Variants in ISL1 observed in about 807,000 individuals in gnomAD.
The protein encoded by ISL1 is ISL LIM homeobox 1, also known as insulin gene enhancer protein ISL-1.
Under a neutral mutation model 35.3 loss-of-function variants are expected in ISL1, and 4 were observed. The observed-to-expected ratio is 0.11, with a 90% CI of 0.06 to 0.26. ISL1 has a LOEUF of 0.26. Among genes scored for constraint, ISL1 ranks in the 10% least tolerant of loss-of-function variants. ISL1 has a pLI of 1.00. For synonymous variants in ISL1, 186 were observed against 172.3 expected, an observed-to-expected ratio of 1.08 and a Z score of -0.62; for missense variants, 340 against 472.8, an observed-to-expected ratio of 0.72 and a Z score of 2.60.
At chr5:51,390,066 A>C (rs1580729492) in intron 4 of ISL1, 134 bp downstream of exon 4, 1 of 1,062,512 alleles carries the variant, frequency 9.4e-7, no homozygotes, top group Non-Finnish European at 1.4e-6. Flanking sequence ...GCTGCCCCTC[A>C]TCCTTACCCC....
In ISL1 at chr5:51,391,358, G is replaced by A; in HGVS notation, c.850G>A (p.Val284Ile). ...DGGLQANPVE[V>I]QSYQPPWKVL... ...TGGCTTACAGGCTAACCCAGTGGAA[G>A]TACAAAGTTACCAGCCACCTTGGAA... The change falls in exon 5 of 6, where the codon GTA (valine) becomes ATA (isoleucine). Residue 284 changes from valine to isoleucine, a missense_variant. Val to Ile is a conservative substitution (Grantham distance 29). Around this residue, in one of 7 missense-constraint regions of ISL1, gnomAD observed 104 missense variants for 97.3 expected, o/e 1.07. Coordinates refer to ENST00000230658, the MANE Select transcript of ISL1 (RefSeq NM_002202.3). 2 of 1,614,168 alleles carry A rather than the reference G, an allele frequency of 1.2e-6. No individual in the cohort carries two copies. The highest frequency in any genetic ancestry group is 1.7e-6 in the Non-Finnish European group (2 of 1,180,046).
In ISL1 at chr5:51,383,568, G is replaced by A. The variant is rs1294330161; in HGVS notation, c.-104G>A. The A allele has an allele frequency of 8.1e-6, 8 of 993,692 alleles. No homozygotes were observed. The highest frequency in any genetic ancestry group is 1.7e-5 in the Admixed American group (1 of 59,014). 61.6% of individuals were successfully genotyped at this position (993,692 alleles called of 1,614,324 possible). A position where few individuals can be genotyped will look rare whatever the true frequency, so the allele number is the denominator to read the frequency against. On this transcript the variant is annotated 5_prime_UTR_variant, in exon 1 of 6. Coordinates refer to ENST00000230658, the MANE Select transcript of ISL1 (RefSeq NM_002202.3). The stretch of plus-strand genomic sequence containing the variant: ...CTCTTTCAGCATTGGCAACCCCAGG[G>A]GCCAATATTTCCCACTTAGCCACAG...
At position 51,386,499 on chromosome 5, in the gene ISL1, T is replaced by C. The variant is rs1747346113; in HGVS notation, c.219-991T>C. On this transcript the variant is annotated intron_variant, in intron 2 of 5. Coordinates refer to ENST00000230658, the MANE Select transcript of ISL1 (RefSeq NM_002202.3). ...AGAAGCAGGATGCCTCCTCCTGTTATGTGGATCTTTTCCTCTCTCTTCCAT... is the reference window on the plus strand; with the variant it reads ...AGAAGCAGGATGCCTCCTCCTGTTACGTGGATCTTTTCCTCTCTCTTCCAT... 39 of 447,638 alleles carry C rather than the reference T, an allele frequency of 8.7e-5. 2 individuals are homozygous for C. Among genetic ancestry groups the C allele is most frequent in the South Asian group, 6.0e-4 (38 of 62,812 alleles). The allele number at this position is 447,638 out of a possible 1,614,324, so 27.7% of individuals were successfully genotyped here. A position where few individuals can be genotyped will look rare whatever the true frequency, so the allele number is the denominator to read the frequency against.
Position 51,389,583 on chromosome 5 carries a change from G to T in ISL1, c.479-63G>T, listed in dbSNP as rs1475582081. The T allele has an allele frequency of 3.6e-6, 5 of 1,380,070 alleles. No homozygotes were observed. The South Asian group carries it at 6.7e-5, about 19-fold the overall frequency. 85.5% of individuals were successfully genotyped at this position (1,380,070 alleles called of 1,614,324 possible). A position where few individuals can be genotyped will look rare whatever the true frequency, so the allele number is the denominator to read the frequency against. ...CAAGCGAGCGAGCGAGCGAGCGCGC[G>T]ACCGCGGGCGGGCCGGCAAGCGAGC... On this transcript the variant is annotated intron_variant, in intron 3 of 5. Coordinates refer to ENST00000230658, the MANE Select transcript of ISL1 (RefSeq NM_002202.3). This position sits in a 1 kb window ranked among gnomAD's most constrained non-coding sequence, Gnocchi z 5.0.
intron 4 of ISL1, 145 bp downstream of exon 4, chr5:51,390,077 C>G (rs1034748316): frequency 8.2e-6 from 8 of 980,600 alleles, no homozygotes; most frequent in Admixed American, 2.5e-5. Flanking sequence ...TCCTTACCCC[C>G]CTACCCATGC....
chr5:51,392,064 A>C (rs912977637), intron 5 of ISL1, among the ~76,000 whole-genome samples: 2 of 152,168 alleles, frequency 1.3e-5, no homozygotes, highest in African/African-American at 4.8e-5. Context: ...GGACCGTTTA[A>C]ATGTTTTCAA....
Position 51,383,718 on chromosome 5 carries a change from T to C in ISL1, c.28+19T>C. Reference sequence around the variant, plus strand: ...CCAAAAAGTAAGAGGCTATTTTACCTTGTGGGGCTCGGTGTGCTGTTCTTG... The same window carrying C: ...CCAAAAAGTAAGAGGCTATTTTACCCTGTGGGGCTCGGTGTGCTGTTCTTG... On this transcript the variant is annotated intron_variant, in intron 1 of 5. Coordinates refer to ENST00000230658, the MANE Select transcript of ISL1 (RefSeq NM_002202.3). 6.2e-7 allele frequency: 1 copy of C among 1,605,086 alleles called. No homozygotes were observed.
rs1022232976 is a variant in ISL1 at position 51,390,034 on chromosome 5, C to A, written c.765+102C>A. ...GGATCGCACGGTTTTCAATCCTGCT[C>A]CTGGGCAGGAGTTTGGCCGGGGCTG... is the stretch of plus-strand genomic sequence containing the variant. On this transcript the variant is annotated intron_variant, in intron 4 of 5. Transcript: ENST00000230658. 5.9e-6 allele frequency: 8 copies of A among 1,366,622 alleles called. No homozygotes were observed. The African/African-American group carries it at 1.0e-4, about 17-fold the overall frequency. The allele number at this position is 1,366,622 out of a possible 1,614,324, so 84.7% of individuals were successfully genotyped here. A position where few individuals can be genotyped will look rare whatever the true frequency, so the allele number is the denominator to read the frequency against.
rs1747420562 is a variant in ISL1, at chr5:51,389,078, G to A, written c.479-568G>A. Among the ~76,000 whole-genome samples, 2 of 152,144 alleles carry A rather than the reference G, an allele frequency of 1.3e-5. No homozygotes were observed. The highest frequency in any genetic ancestry group is 1.3e-4 in the Admixed American group (2 of 15,282). On this transcript the variant is annotated intron_variant, in intron 3 of 5. Coordinates refer to ENST00000230658, the MANE Select transcript of ISL1 (RefSeq NM_002202.3). This position sits in a 1 kb window ranked among gnomAD's most constrained non-coding sequence, Gnocchi z 5.0. ...TCGGACTGAAGTTCAAGGCGTTCTGGCAGAGTTCTCGACCTTCCCCTTGCA... is the reference window on the plus strand; with the variant it reads ...TCGGACTGAAGTTCAAGGCGTTCTGACAGAGTTCTCGACCTTCCCCTTGCA...
At position 51,387,487 on chromosome 5, in the gene ISL1, C is replaced by T. The variant is rs1747374071; in HGVS notation, c.219-3C>T. On this transcript the variant is annotated splice_region_variant and splice_polypyrimidine_tract_variant and intron_variant, in intron 2 of 5. Transcript: ENST00000230658. This position sits in a 1 kb window ranked among gnomAD's most constrained non-coding sequence, Gnocchi z 4.3. Reference sequence around the variant, plus strand: ...CGCCTCCGCTCCCCCCTCCCCCGCACAGGTTGTACGGGATCAAATGCGCCA... The same window carrying T: ...CGCCTCCGCTCCCCCCTCCCCCGCATAGGTTGTACGGGATCAAATGCGCCA... The T allele has an allele frequency of 2.5e-6, 4 of 1,614,044 alleles. No individual in the cohort carries two copies. Among genetic ancestry groups the T allele is most frequent in the Non-Finnish European group, 3.4e-6 (4 of 1,179,970 alleles).
chr5:51,387,154 T>G lies in ISL1; in HGVS notation c.219-336T>G, dbSNP rs1229948385. 6.6e-6 allele frequency among the ~76,000 whole-genome samples: 1 copy of G among 152,132 alleles called. No homozygotes were observed. The highest frequency in any genetic ancestry group is 1.9e-4 in the East Asian group (1 of 5,170). ...GATTGCTAGAGCAGCAGCCCGAGTT[T>G]GGAACCCATCAATACATTTTCTGTG... On this transcript the variant is annotated intron_variant, in intron 2 of 5. Transcript: ENST00000230658. This position sits in a 1 kb window ranked among gnomAD's most constrained non-coding sequence, Gnocchi z 4.3.
In ISL1 at chr5:51,387,493, G is replaced by A. The variant is rs976049747; in HGVS notation, c.222G>A (p.Leu74=). The A allele has an allele frequency of 6.2e-7, 1 of 1,614,032 alleles. No individual in the cohort carries two copies. The highest frequency in any genetic ancestry group is 2.2e-5 in the East Asian group (1 of 44,864). ...CGCTCCCCCCTCCCCCGCACAGGTT[G>A]TACGGGATCAAATGCGCCAAGTGCA... ...KTYCKRDYIR[L]YGIKCAKCSI... is the part of the protein sequence containing the mutation. The change falls in exon 3 of 6, where the codon TTG becomes TTA. Residue 74 remains leucine, a synonymous_variant. Coordinates refer to ENST00000230658, the MANE Select transcript of ISL1 (RefSeq NM_002202.3). This position sits in a 1 kb window ranked among gnomAD's most constrained non-coding sequence, Gnocchi z 4.3.
intron 4 of ISL1, 121 bp downstream of exon 4, chr5:51,390,053 G>A (rs1358400219): frequency 2.4e-5 from 29 of 1,210,388 alleles, no homozygotes; most frequent in South Asian, 1.3e-4. Context: ...GAGTTTGGCC[G>A]GGGCTGCCCC....
chr5:51,390,054 G>A, intron 4 of ISL1, 122 bp downstream of exon 4: 1 of 1,198,798 alleles, frequency 8.3e-7, no homozygotes, highest in Non-Finnish European at 1.2e-6. Context: ...AGTTTGGCCG[G>A]GGCTGCCCCT....
intron 1 of ISL1, among the ~76,000 whole-genome samples, chr5:51,384,253 G>A (rs1747285437): frequency 7.1e-6 from 1 of 141,150 alleles, no homozygotes. Flanking sequence ...AGGGGGGGGG[G>A]AGAAATACAA....
At chr5:51,385,956 G>C (rs945685226) in intron 2 of ISL1, among the ~76,000 whole-genome samples, 5 of 152,054 alleles carry the variant, frequency 3.3e-5, no homozygotes, top group African/African-American at 7.2e-5. Flanking sequence ...GACACAGAGA[G>C]TATAATCTTG....
intron 4 of ISL1, among the ~76,000 whole-genome samples, chr5:51,390,636 CTTTTTCTTTTTTTT>C (rs1355926275): frequency 0.012 from 908 of 74,318 alleles, 8 homozygotes; most frequent in Middle Eastern, 0.02. Context: ...TCTTTTCTTT[CTTTTTCTTTTTTTT>C]TTTTTTTTTT....
In ISL1 at chr5:51,383,506, C is replaced by T; in HGVS notation, c.-166C>T. ...CAACTCCGCCGGCTTAAATTGGACT[C>T]CTAGATCCGCGAGGGCGCGGCGCAG... On this transcript the variant is annotated 5_prime_UTR_variant, in exon 1 of 6. Transcript: ENST00000230658. The T allele has an allele frequency of 1.4e-6, 1 of 704,292 alleles. No individual in the cohort carries two copies. The highest frequency in any genetic ancestry group is 2.6e-6 in the Non-Finnish European group (1 of 386,486). 43.6% of individuals were successfully genotyped at this position (704,292 alleles called of 1,614,324 possible).
At chr5:51,385,966 G>C (rs1179370864) in intron 2 of ISL1, among the ~76,000 whole-genome samples, 1 of 151,904 alleles carries the variant, frequency 6.6e-6, no homozygotes, top group Non-Finnish European at 1.5e-5. Flanking sequence ...GTATAATCTT[G>C]GTAGATAAAA....
Sources: gnomAD v4.1 joint callset for allele counts (sites outside exome capture counted in the v4.1 genomes callset) on GRCh38, gnomAD v4.1.1 for gene constraint, gnomAD v4.1.1 regional missense constraint, Gnocchi (gnomAD v3.1) non-coding constraint, MANE v1.5 for transcripts, NCBI Gene and HGNC (gene_info 2026-07-23, HGNC 2026-07-21) for gene names.